ABCB5: variants seen among roughly 807,000 people sequenced by gnomAD.
ABCB5 encodes the protein ATP-binding cassette sub-family B member 5.
In ABCB5, 155 loss-of-function variants were observed where a neutral mutation model predicts 144.2. That is an observed-to-expected ratio of 1.08 (90% CI 0.94 to 1.23). The LOEUF (loss-of-function observed/expected upper bound fraction) is 1.23. Among genes scored for constraint, ABCB5 ranks in the 50% most tolerant of loss-of-function variants. ABCB5 has a pLI of 0.00. For synonymous variants in ABCB5, 610 were observed against 528.6 expected (o/e 1.15, Z -2.11); for missense variants, 1,830 against 1,520.8 (o/e 1.20, Z -3.38).
At chr7:20,679,787 C>A (rs2128038319) in intron 14 of ABCB5, among the ~76,000 whole-genome samples, 1 of 152,252 alleles carries the variant, frequency 6.6e-6, no homozygotes, top group East Asian at 1.9e-4. Context: ...GAATATAGAG[C>A]AACCATGGCT....
At chr7:20,667,342 C>T (rs887270358) in intron 14 of ABCB5, 3 of 984,574 alleles carry the variant, frequency 3.0e-6, no homozygotes, top group Non-Finnish European at 3.6e-6. Context: ...AAGTGAATCC[C>T]CTGTGAAGAA....
At chr7:20,651,263 G>GGACA (rs1319259447) in intron 12 of ABCB5, among the ~76,000 whole-genome samples, 157 bp from the exon 13 acceptor site, 1 of 151,974 alleles carries the variant, frequency 6.6e-6, no homozygotes, top group Non-Finnish European at 1.5e-5. Context: ...AAAAGTCTAT[G>GGACA]GACAATATAT....
At chr7:20,717,030 T>C (rs1324511674) in intron 20 of ABCB5, among the ~76,000 whole-genome samples, 1 of 152,022 alleles carries the variant, frequency 6.6e-6, no homozygotes, top group Admixed American at 6.6e-5. Context: ...AACGCCACAC[T>C]CCAGACTGGT....
chr7:20,683,770 A>G (rs1785901659), intron 15 of ABCB5, among the ~76,000 whole-genome samples: 1 of 152,240 alleles, frequency 6.6e-6, no homozygotes, highest in Admixed American at 6.5e-5. Flanking sequence ...CATAATATCT[A>G]CACAAACACT....
intron 5 of ABCB5, among the ~76,000 whole-genome samples, chr7:20,633,152 C>G (rs1045057170): frequency 1.1e-4 from 16 of 151,844 alleles, no homozygotes; most frequent in African/African-American, 3.9e-4. Context: ...ACTAATTATT[C>G]AGACTATTAT....
chr7:20,742,092 G>A (rs919982402), intron 24 of ABCB5, among the ~76,000 whole-genome samples: 1 of 152,124 alleles, frequency 6.6e-6, no homozygotes, highest in Non-Finnish European at 1.5e-5. Flanking sequence ...ATAAAGATAG[G>A]GCTGGGTGTG....
In ABCB5 at chr7:20,727,226, T is replaced by C. The variant is rs951201306; in HGVS notation, c.2726+86T>C. On this transcript the variant is annotated intron_variant, in intron 22 of 27. Coordinates refer to ENST00000404938, the MANE Select transcript of ABCB5 (RefSeq NM_001163941.2). ...CAAATGACTCCAGTGGTTTGCCTGC[T>C]AATTCATTTGCTCTTGAGCCTTTCC... 3.5e-6 allele frequency: 3 copies of C among 854,454 alleles called. No homozygotes were observed. In the African/African-American group the frequency reaches 5.2e-5, roughly 15 times the overall value. 52.9% of individuals were successfully genotyped at this position (854,454 alleles called of 1,614,324 possible). A position where few individuals can be genotyped will look rare whatever the true frequency, so the allele number is the denominator to read the frequency against.
chr7:20,744,029 T>G (rs1419508941), intron 25 of ABCB5, among the ~76,000 whole-genome samples: 1 of 152,084 alleles, frequency 6.6e-6, no homozygotes, highest in African/African-American at 2.4e-5. Flanking sequence ...TGCACTGTGC[T>G]TTTTCTGTTT....
At chr7:20,661,593 T>C (rs111313937) in intron 14 of ABCB5, among the ~76,000 whole-genome samples, 1,702 of 149,664 alleles carry the variant, frequency 0.011, 27 homozygotes, top group African/African-American at 0.039. Context: ...TGGAGTGCAG[T>C]GGCATGATCT....
intron 2 of ABCB5, 34 bp downstream of exon 2, chr7:20,623,372 C>T: frequency 6.7e-7 from 1 of 1,494,432 alleles, no homozygotes; most frequent in South Asian, 1.2e-5. Context: ...AGTATGCTTC[C>T]ACAACTTCAA....
Position 20,704,828 on chromosome 7 carries a change from G to T in ABCB5, c.2421+21G>T, listed in dbSNP as rs768069760. 5 of 1,579,794 alleles carry T rather than the reference G, an allele frequency of 3.2e-6. No homozygotes were observed. The South Asian group carries it at 5.6e-5, about 18-fold the overall frequency. On this transcript the variant is annotated intron_variant, in intron 20 of 27. Transcript: ENST00000404938. ...AAGGAGTATGTATATTGTTTTTATT[G>T]TAAATGATGTATGTATGTGGTGTGC...
chr7:20,705,610 G>A (rs1330907934), intron 20 of ABCB5, among the ~76,000 whole-genome samples: 1 of 151,974 alleles, frequency 6.6e-6, no homozygotes, highest in African/African-American at 2.4e-5. Context: ...CATGCATTTG[G>A]GAGAAAAGGA....
At chr7:20,649,415 C>G (rs117176239) in intron 11 of ABCB5, among the ~76,000 whole-genome samples, 3 of 152,140 alleles carry the variant, frequency 2.0e-5, no homozygotes, top group African/African-American at 4.8e-5. Flanking sequence ...GTTGTCATTT[C>G]GAGAGGGTAA....
At chr7:20,629,369 A>G (rs1583378014) in intron 4 of ABCB5, among the ~76,000 whole-genome samples, 1 of 152,330 alleles carries the variant, frequency 6.6e-6, no homozygotes, top group South Asian at 2.1e-4. Flanking sequence ...TGTCTCTCTA[A>G]GAATTCAAAT....
chr7:20,660,016 T>C (rs940337146), intron 14 of ABCB5: 4 of 985,408 alleles, frequency 4.1e-6, no homozygotes, highest in Admixed American at 6.1e-5. Context: ...TGTATTGTAA[T>C]AGGCTCTCTG....
chr7:20,727,052 G>A lies in ABCB5; in HGVS notation c.2638G>A (p.Ala880Thr), dbSNP rs1187237313. The change falls in exon 22 of 28, where the codon GCT becomes ACT. Residue 880 changes from alanine to threonine, a missense_variant. Physicochemically the swap from Ala to Thr is moderately conservative, Grantham distance 58. Coordinates refer to ENST00000404938, the MANE Select transcript of ABCB5 (RefSeq NM_001163941.2). The part of the protein sequence containing the change: ...LKHAGKIATE[A>T]LENIRTIVSL... The stretch of plus-strand genomic sequence containing the variant: ...CCTGTTTTATAAGATAGCAACTGAA[G>A]CTTTGGAGAATATACGTACTATAGT... The A allele has an allele frequency of 1.1e-5, 18 of 1,610,994 alleles. No individual in the cohort carries two copies. The highest frequency in any genetic ancestry group is 1.4e-5 in the Non-Finnish European group (17 of 1,178,622).
chr7:20,708,047 C>T (rs1332895512), intron 20 of ABCB5, among the ~76,000 whole-genome samples: 1 of 151,906 alleles, frequency 6.6e-6, no homozygotes. Flanking sequence ...CCTCGTGATC[C>T]GCCCGCCTCG....
chr7:20,752,328 A>G (rs1782956291), intron 26 of ABCB5, among the ~76,000 whole-genome samples: 1 of 152,208 alleles, frequency 6.6e-6, no homozygotes, highest in Non-Finnish European at 1.5e-5. Context: ...TCAATGGGAC[A>G]ATCTAAAAAG....
chr7:20,727,166 A>G, intron 22 of ABCB5, 26 bp downstream of exon 22: 2 of 1,575,934 alleles, frequency 1.3e-6, no homozygotes, highest in Non-Finnish European at 1.7e-6. Flanking sequence ...TACTGACTTC[A>G]AAAACTTAAT....
Sources: gnomAD v4.1 joint callset for allele counts (sites outside exome capture counted in the v4.1 genomes callset) on GRCh38, gnomAD v4.1.1 for gene constraint, MANE v1.5 for transcripts, NCBI Gene and HGNC (gene_info 2026-07-23, HGNC 2026-07-21) for gene names.